THSD7B: variants seen among roughly 807,000 people sequenced by gnomAD.
THSD7B encodes thrombospondin type-1 domain-containing protein 7B.
Under a neutral mutation model 213.6 loss-of-function variants are expected in THSD7B, and 138 were observed. That is an observed-to-expected ratio of 0.65 (90% CI 0.56 to 0.74). THSD7B has a LOEUF of 0.74. Ranked by LOEUF, THSD7B falls within the 30% of genes least tolerant of loss-of-function variation. The pLI, the probability that THSD7B is intolerant of heterozygous loss-of-function variation, is 0.00. For synonymous variants in THSD7B, 742 were observed against 687.0 expected (o/e 1.08, Z -1.25); for missense variants, 1,931 against 1,991.5 (o/e 0.97, Z 0.58).
chr2:136,952,981 C>T (rs1273314476), intron 2 of THSD7B, among the ~76,000 whole-genome samples: 2 of 152,020 alleles, frequency 1.3e-5, no homozygotes, highest in African/African-American at 4.8e-5. Flanking sequence ...TATAACTTCA[C>T]TCAAGTGACA....
chr2:137,573,624 A>AT (rs1490293410), intron 17 of THSD7B, among the ~76,000 whole-genome samples: 2 of 152,114 alleles, frequency 1.3e-5, no homozygotes, highest in Non-Finnish European at 2.9e-5. Context: ...TAACCTGAAT[A>AT]TAATGAAAAT....
intron 9 of THSD7B, among the ~76,000 whole-genome samples, chr2:137,234,223 C>T (rs946399551): frequency 6.6e-6 from 1 of 152,222 alleles, no homozygotes; most frequent in African/African-American, 2.4e-5. Flanking sequence ...CTACTGACTA[C>T]ACCCTGCCCT....
intron 15 of THSD7B, among the ~76,000 whole-genome samples, chr2:137,483,809 C>T (rs1688361523): frequency 6.6e-6 from 1 of 152,090 alleles, no homozygotes; most frequent in Admixed American, 6.5e-5. Context: ...TCAGGTATGA[C>T]TGGTTATAAC....
chr2:136,935,164 CT>C (rs1162088866), intron 2 of THSD7B, among the ~76,000 whole-genome samples: 2 of 152,214 alleles, frequency 1.3e-5, no homozygotes, highest in East Asian at 1.9e-4. Flanking sequence ...ATAAAACTAC[CT>C]TTTTTTCTGT....
At chr2:136,840,979 A>G (rs1408948203) in intron 1 of THSD7B, among the ~76,000 whole-genome samples, 1 of 152,150 alleles carries the variant, frequency 6.6e-6, no homozygotes, top group East Asian at 1.9e-4. Context: ...TATATTTAAT[A>G]TCAAGAAGAG....
chr2:137,236,377 T>C (rs776836838), intron 9 of THSD7B, among the ~76,000 whole-genome samples: 2 of 152,214 alleles, frequency 1.3e-5, no homozygotes, highest in Admixed American at 6.5e-5. Context: ...GGTGAGACTG[T>C]TACCATTGTA....
At chr2:136,869,901 A>G (rs1024997328) in intron 1 of THSD7B, among the ~76,000 whole-genome samples, 23 of 152,100 alleles carry the variant, frequency 1.5e-4, no homozygotes, top group African/African-American at 5.3e-4. Flanking sequence ...GTGAAACTCC[A>G]TCTATACTAA....
chr2:137,083,222 AAACAT>A (rs1687779511), intron 3 of THSD7B, among the ~76,000 whole-genome samples: 1 of 152,138 alleles, frequency 6.6e-6, no homozygotes, highest in Non-Finnish European at 1.5e-5. Context: ...AAACTTAGGT[AAACAT>A]CATTTTTATC....
intron 2 of THSD7B, among the ~76,000 whole-genome samples, chr2:136,998,261 CAAAAAAAAAAAA>C (rs33931359): frequency 1.0e-5 from 1 of 98,404 alleles, no homozygotes; most frequent in South Asian, 3.5e-4. Flanking sequence ...ACTAAAAGGC[CAAAAAAAAAAAA>C]AAAAAAAAGA....
intron 12 of THSD7B, among the ~76,000 whole-genome samples, chr2:137,296,435 AC>A (rs1683464591): frequency 6.6e-6 from 1 of 152,160 alleles, no homozygotes; most frequent in Admixed American, 6.5e-5. Context: ...GGGCTAACAT[AC>A]AAGTTGGTAA....
intron 1 of THSD7B, among the ~76,000 whole-genome samples, chr2:136,805,681 G>T (rs1682268588): frequency 1.3e-5 from 2 of 152,210 alleles, no homozygotes; most frequent in Non-Finnish European, 2.9e-5. Context: ...CTGCTGATCT[G>T]CTGATTGGGT....
At chr2:137,189,827 A>G (rs572936014) in intron 7 of THSD7B, among the ~76,000 whole-genome samples, 2 of 152,104 alleles carry the variant, frequency 1.3e-5, no homozygotes, top group South Asian at 4.2e-4. Flanking sequence ...ATGGCTTCAC[A>G]TTTATTCAAC....
intron 2 of THSD7B, among the ~76,000 whole-genome samples, chr2:136,948,792 C>A (rs892551091): frequency 5.9e-5 from 9 of 152,144 alleles, no homozygotes; most frequent in African/African-American, 2.2e-4. Context: ...ATATAAGCAA[C>A]ATGTAGGTCA....
At chr2:136,770,373 T>C (rs1229122223) in intron 1 of THSD7B, among the ~76,000 whole-genome samples, 1 of 152,190 alleles carries the variant, frequency 6.6e-6, no homozygotes, top group Non-Finnish European at 1.5e-5. Context: ...TACGTTAGAC[T>C]TATTCAGGGC....
chr2:137,197,347 C>T (rs577958730), intron 7 of THSD7B, among the ~76,000 whole-genome samples: 2 of 152,166 alleles, frequency 1.3e-5, no homozygotes, highest in South Asian at 4.2e-4. Flanking sequence ...GTGCTAAAAG[C>T]TAAACTTCGG....
At chr2:136,807,707 C>T (rs1004520261) in intron 1 of THSD7B, among the ~76,000 whole-genome samples, 14 of 152,036 alleles carry the variant, frequency 9.2e-5, no homozygotes, top group South Asian at 6.3e-4. Flanking sequence ...GGGGTTTCAC[C>T]GTGTTAGCCA....
At chr2:137,326,072 G>T (rs1161694956) in intron 12 of THSD7B, among the ~76,000 whole-genome samples, 1 of 152,126 alleles carries the variant, frequency 6.6e-6, no homozygotes, top group Non-Finnish European at 1.5e-5. Flanking sequence ...GTTAACAGGG[G>T]ATTATCAGGA....
chr2:137,486,005 T>C (rs1427244091), intron 15 of THSD7B, among the ~76,000 whole-genome samples: 1 of 151,978 alleles, frequency 6.6e-6, no homozygotes, highest in East Asian at 1.9e-4. Flanking sequence ...GCACTAAACA[T>C]GGAAAGGAAC....
At chr2:137,200,856 GAT>G (rs1558956078) in intron 7 of THSD7B, among the ~76,000 whole-genome samples, 2 of 151,214 alleles carry the variant, frequency 1.3e-5, no homozygotes. Flanking sequence ...ATATTGAAGA[GAT>G]GGGGACTCCT....
Sources: allele counts gnomAD v4.1 joint callset (sites outside exome capture counted in the v4.1 genomes callset), GRCh38; gene constraint gnomAD v4.1.1; transcripts MANE v1.5; gene names NCBI Gene and HGNC (gene_info 2026-07-23, HGNC 2026-07-21).